Variants in MYOM3 observed in about 807,000 individuals in gnomAD.
MYOM3 encodes the protein myomesin-3.
Under a neutral mutation model 191.7 loss-of-function variants are expected in MYOM3, and 155 were observed. The observed-to-expected ratio is 0.81, with a 90% CI of 0.71 to 0.92. MYOM3 has a LOEUF of 0.92. Ranked by LOEUF, MYOM3 falls within the 40% of genes least tolerant of loss-of-function variation. The probability of loss-of-function intolerance (pLI) is 0.00; values close to 1 mark genes in which losing one functional copy is unlikely to be tolerated. For synonymous variants in MYOM3, 757 were observed against 762.9 expected (o/e 0.99, Z 0.13); for missense variants, 1,889 against 1,890.6 (o/e 1.00, Z 0.02).
At position 24,067,984 on chromosome 1, in the gene MYOM3, C is replaced by T; in HGVS notation, c.3341G>A (p.Trp1114Ter). 2 of 1,614,226 alleles carry T rather than the reference C, an allele frequency of 1.2e-6. No homozygotes were observed. Among genetic ancestry groups the T allele is most frequent in the Non-Finnish European group, 1.7e-6 (2 of 1,180,020 alleles). Residue 1114 changes from tryptophan (W) to a stop codon, truncating the protein, a stop_gained, in exon 27 of 37, where the codon TGG becomes TAG. Transcript: ENST00000374434. LOFTEE classifies it high-confidence loss of function. Reference protein sequence around the residue: ...LRKADAKRRDWKRKQGPYFER... With the variant: ...LRKADAKRRD ...GCAGCTCTTACCCTGTTTTCTCTTC[C>T]AGTCCCTTCTCTTAGCATCTGCCTT...
At chr1:24,065,714 T>G (rs900934046) in intron 29 of MYOM3, 177 bp downstream of exon 29, 1 of 656,428 alleles carries the variant, frequency 1.5e-6, no homozygotes, top group Non-Finnish European at 2.8e-6. Context: ...GAATATTGCA[T>G]ACAATATTAT....
At position 24,080,034 on chromosome 1, in the gene MYOM3, G is replaced by C; in HGVS notation, c.2568C>G (p.Ile856Met). 1 of 1,612,116 alleles carries C rather than the reference G, an allele frequency of 6.2e-7. No homozygotes were observed. The highest frequency in any genetic ancestry group is 8.5e-7 in the Non-Finnish European group (1 of 1,179,168). The change falls in exon 20 of 37, where the codon ATC becomes ATG. Residue 856 changes from isoleucine (I) to methionine (M), a missense_variant. By Grantham distance (10) the Ile-to-Met change is conservative. Transcript: ENST00000374434. ...AACTTACCCTCAGGTGGGTGCCAGA[G>C]ATGGGGCCTGGGGTGACCGGCTTCC... ...EQWKPVTPGP[I>M]SGTHLRVSDL...
At position 24,097,991 on chromosome 1, in the gene MYOM3, G is replaced by A. The variant is rs993625509; in HGVS notation, c.677C>T (p.Ala226Val). 1 of 1,613,084 alleles carries A rather than the reference G, an allele frequency of 6.2e-7. No individual in the cohort carries two copies. Among genetic ancestry groups the A allele is most frequent in the Non-Finnish European group, 8.5e-7 (1 of 1,179,006 alleles). Reference sequence around the variant, plus strand: ...GTTCTTCACTCGCACAGTGTAAGTTGCTGAGTCCTCAATGGCGCATCTGAA... The same window carrying A: ...GTTCTTCACTCGCACAGTGTAAGTTACTGAGTCCTCAATGGCGCATCTGAA... ...EIRRCAIEDS[A>V]TYTVRVKNAH... Residue 226 changes from alanine to valine, a missense_variant, in exon 7 of 37, where the codon GCA becomes GTA. Ala to Val is a moderately conservative substitution (Grantham distance 64). Coordinates refer to ENST00000374434, the MANE Select transcript of MYOM3 (RefSeq NM_152372.4).
intron 1 of MYOM3, among the ~76,000 whole-genome samples, chr1:24,110,739 C>T (rs1644031446): frequency 6.6e-6 from 1 of 152,140 alleles, no homozygotes. Context: ...TCTTTGGCTT[C>T]GTATCACTCC....
intron 5 of MYOM3, among the ~76,000 whole-genome samples, chr1:24,100,614 C>T (rs1024509751): frequency 1.3e-5 from 2 of 152,210 alleles, no homozygotes; most frequent in African/African-American, 2.4e-5. Context: ...AGGCCGGGCA[C>T]GGTGGCTCAC....
intron 5 of MYOM3, among the ~76,000 whole-genome samples, chr1:24,102,316 C>T: frequency 6.6e-6 from 1 of 152,168 alleles, no homozygotes; most frequent in East Asian, 1.9e-4. Flanking sequence ...GCTCTCCAGG[C>T]CTGGGGGCCA....
chr1:24,092,092 T>C (rs546850164), intron 11 of MYOM3, 82 bp downstream of exon 11: 2 of 1,300,428 alleles, frequency 1.5e-6, no homozygotes, highest in East Asian at 2.8e-5. Flanking sequence ...AGGTCAGACA[T>C]GGGGCCTCCT....
chr1:24,067,824 T>A, intron 27 of MYOM3, 146 bp downstream of exon 27: 1 of 799,792 alleles, frequency 1.3e-6, no homozygotes, highest in Non-Finnish European at 2.1e-6. Context: ...GCTATTTTGA[T>A]CTGGCACTGG....
Position 24,108,048 on chromosome 1 carries a change from C to G in MYOM3, c.187G>C (p.Ala63Pro). 1 of 1,613,732 alleles carries G rather than the reference C, an allele frequency of 6.2e-7. No individual in the cohort carries two copies. Among genetic ancestry groups the G allele is most frequent in the East Asian group, 2.2e-5 (1 of 44,838 alleles). The change falls in exon 3 of 37, where the codon GCG (alanine) becomes CCG (proline). Residue 63 changes from alanine to proline, a missense_variant. Coordinates refer to ENST00000374434, the MANE Select transcript of MYOM3 (RefSeq NM_152372.4). ...SSEEEHEFSA[A>P]DYALAAALAL... ...AGGGCTGCTGCCAGGGCGTAGTCCG[C>G]GGCGCTGAACTCATGCTCTTCTTCG...
At chr1:24,067,166 G>T in intron 27 of MYOM3, 78 bp from the exon 28 acceptor site, 6 of 1,421,842 alleles carry the variant, frequency 4.2e-6, no homozygotes, top group Middle Eastern at 3.5e-4. Flanking sequence ...AGGCAGTGCT[G>T]GGGGGAGGGA....
chr1:24,095,435 G>A lies in MYOM3; in HGVS notation c.790+7C>T, dbSNP rs530386282. 63 of 1,611,950 alleles carry A rather than the reference G, an allele frequency of 3.9e-5. No individual in the cohort carries two copies. The highest frequency in any genetic ancestry group is 1.0e-4 in the Admixed American group (6 of 59,806). The stretch of plus-strand genomic sequence containing the variant: ...TCCCAGGTCCCGTTCTCCCCCAGCC[G>A]ACTTACTTTTGAAGATCTCTGAATC... On this transcript the variant is annotated splice_region_variant and intron_variant, in intron 8 of 36. Transcript: ENST00000374434.
intron 1 of MYOM3, among the ~76,000 whole-genome samples, chr1:24,110,207 G>A (rs1223027248): frequency 6.6e-6 from 1 of 152,220 alleles, no homozygotes; most frequent in Non-Finnish European, 1.5e-5. Context: ...TGGCATGGGA[G>A]GGTTCCTGCC....
intron 9 of MYOM3, among the ~76,000 whole-genome samples, chr1:24,094,644 C>T (rs781406839): frequency 2.0e-5 from 3 of 152,290 alleles, no homozygotes; most frequent in African/African-American, 4.8e-5. Flanking sequence ...CAGGGCCTGG[C>T]ACCCCACAGA....
chr1:24,057,254 C>T lies in MYOM3; in HGVS notation c.*110G>A. On this transcript the variant is annotated 3_prime_UTR_variant, in exon 37 of 37. Transcript: ENST00000374434. ...CTCACATCCTGGGTTCTATCTTGTC[C>T]CCTTTCCTTCTGCCCCACCCCTGTA... is the stretch of plus-strand genomic sequence containing the variant. 2 of 1,132,132 alleles carry T rather than the reference C, an allele frequency of 1.8e-6. No homozygotes were observed. The highest frequency in any genetic ancestry group is 2.5e-6 in the Non-Finnish European group (2 of 798,044). The allele number at this position is 1,132,132 out of a possible 1,614,324, so 70.1% of individuals were successfully genotyped here. A position where few individuals can be genotyped will look rare whatever the true frequency, so the allele number is the denominator to read the frequency against.
chr1:24,108,618 A>G lies in MYOM3; in HGVS notation c.19T>C (p.Leu7=). Residue 7 remains leucine, a synonymous_variant, in exon 2 of 37, where the codon TTG becomes CTG. Transcript: ENST00000374434. MTLPHS[L]GGAGDPRPPQ... ...GGCCGGGGGTCCCCCGCACCTCCCA[A>G]GCTGTGCGGCAGAGTCATGGTTACG... The G allele has an allele frequency of 6.4e-7, 1 of 1,564,736 alleles. No homozygotes were observed. The highest frequency in any genetic ancestry group is 8.6e-7 in the Non-Finnish European group (1 of 1,156,634).
intron 28 of MYOM3, chr1:24,066,352 C>G: frequency 1.6e-6 from 1 of 645,054 alleles, no homozygotes; most frequent in Non-Finnish European, 2.8e-6. Flanking sequence ...CTGCCTTGAA[C>G]ATGGGCTCCC....
rs1056738645 is a variant in MYOM3, at chr1:24,065,652, A to G, written c.3534+239T>C. The G allele has an allele frequency of 7.0e-6, 4 of 570,922 alleles. No homozygotes were observed. In the Admixed American group the frequency reaches 1.2e-4, roughly 17 times the overall value. 35.4% of individuals were successfully genotyped at this position (570,922 alleles called of 1,614,324 possible). On this transcript the variant is annotated intron_variant, in intron 29 of 36. Coordinates refer to ENST00000374434, the MANE Select transcript of MYOM3 (RefSeq NM_152372.4). ...AATCAGTAATACTGATTCTGTCTCTATTGAAAATTTGGGGGCTTTAATAGT... is the reference window on the plus strand; with the variant it reads ...AATCAGTAATACTGATTCTGTCTCTGTTGAAAATTTGGGGGCTTTAATAGT...
intron 16 of MYOM3, chr1:24,084,186 T>C: frequency 5.3e-6 from 2 of 376,356 alleles, no homozygotes; most frequent in Non-Finnish European, 9.9e-6. Flanking sequence ...GTTGTCAAGA[T>C]AGGGAGCAAG....
Position 24,067,058 on chromosome 1 carries a change from T to C in MYOM3, c.3386A>G (p.Lys1129Arg). The C allele has an allele frequency of 1.9e-6, 3 of 1,579,760 alleles. No individual in the cohort carries two copies. Among genetic ancestry groups the C allele is most frequent in the Non-Finnish European group, 2.6e-6 (3 of 1,160,700 alleles). The part of the protein sequence containing the change: ...GPYFERPLQW[K>R]VTEDCQVQLT... ...CTGCACTTGGCAGTCCTCCGTGACC[T>C]TCCACTGCAACGGCCGCTCAAAATA... Residue 1129 changes from lysine (K) to arginine (R), a missense_variant, in exon 28 of 37, where the codon AAG (lysine) becomes AGG (arginine). Physicochemically the swap from Lys to Arg is conservative, Grantham distance 26 (BLOSUM62 2). Transcript: ENST00000374434.
Sources: allele counts gnomAD v4.1 joint callset (sites outside exome capture counted in the v4.1 genomes callset), GRCh38; gene constraint gnomAD v4.1.1; transcripts MANE v1.5; gene names NCBI Gene and HGNC (gene_info 2026-07-23, HGNC 2026-07-21).